The following RAB4A variants were observed in gnomAD, a reference collection of about 807,000 sequenced individuals.
RAB4A encodes the protein RAB4A, member RAS oncogene family.
In RAB4A, 20 loss-of-function variants were observed where a neutral mutation model predicts 34.5. The observed-to-expected ratio is 0.58, with a 90% CI of 0.41 to 0.84. RAB4A has a LOEUF of 0.84. RAB4A is among the 40% of genes least tolerant of loss of function. The pLI is 0.00. For missense variants in RAB4A, 228 were observed against 274.5 expected, an observed-to-expected ratio of 0.83 and a Z score of 1.20; for synonymous variants, 102 against 100.0, an observed-to-expected ratio of 1.02 and a Z score of -0.12.
chr1:229,305,307 T>C lies in RAB4A; in HGVS notation c.*1514T>C. On this transcript the variant is annotated 3_prime_UTR_variant, in exon 8 of 8. Coordinates refer to ENST00000366690, the MANE Select transcript of RAB4A (RefSeq NM_004578.4). ...TTCAATGTCTCATTTATGATAGATT[T>C]GCAAGCTGCTCATTTTTGAACAGCT... is the stretch of plus-strand genomic sequence containing the variant. 6.3e-7 allele frequency: 1 copy of C among 1,581,830 alleles called. No individual in the cohort carries two copies. The highest frequency in any genetic ancestry group is 8.6e-7 in the Non-Finnish European group (1 of 1,167,568).
At chr1:229,299,647 A>G (rs1193682641) in intron 6 of RAB4A, among the ~76,000 whole-genome samples, 2 of 152,218 alleles carry the variant, frequency 1.3e-5, no homozygotes, top group African/African-American at 4.8e-5. Flanking sequence ...TGTAGTTGTC[A>G]TTTACTAAAG....
At chr1:229,292,940 G>A (rs920747728) in intron 3 of RAB4A, among the ~76,000 whole-genome samples, 6 of 152,030 alleles carry the variant, frequency 3.9e-5, no homozygotes, top group African/African-American at 1.2e-4. Context: ...TGCCACCCCC[G>A]CTTCAGACAC....
At chr1:229,297,848 C>T (rs1035861916) in intron 5 of RAB4A, among the ~76,000 whole-genome samples, 2 of 152,076 alleles carry the variant, frequency 1.3e-5, no homozygotes, top group Non-Finnish European at 2.9e-5. Context: ...ATGATAAAAG[C>T]AAATGTAGTA....
intron 3 of RAB4A, among the ~76,000 whole-genome samples, chr1:229,291,125 T>TGGAA (rs1657058321): frequency 6.6e-6 from 1 of 152,136 alleles, no homozygotes; most frequent in African/African-American, 2.4e-5. Flanking sequence ...CTAAAAGAAA[T>TGGAA]GGAAGCATTG....
At chr1:229,282,888 T>A (rs1317451901) in intron 1 of RAB4A, among the ~76,000 whole-genome samples, 1 of 152,266 alleles carries the variant, frequency 6.6e-6, no homozygotes, top group African/African-American at 2.4e-5. Context: ...ATATGATGAC[T>A]GCTTTAAAAT....
At chr1:229,276,725 G>A (rs1392759265) in intron 1 of RAB4A, among the ~76,000 whole-genome samples, 2 of 151,304 alleles carry the variant, frequency 1.3e-5, no homozygotes, top group African/African-American at 2.5e-5. Flanking sequence ...TTAAGTTACT[G>A]TTTACCCTGA....
intron 2 of RAB4A, among the ~76,000 whole-genome samples, 154 bp downstream of exon 2, chr1:229,286,720 A>AT (rs760498133): frequency 5.9e-5 from 9 of 152,182 alleles, no homozygotes; most frequent in Non-Finnish European, 8.8e-5. Flanking sequence ...GGGTGATGTG[A>AT]TTTTTTATTA....
In RAB4A at chr1:229,295,882, G is replaced by A. The variant is rs777649734; in HGVS notation, c.262G>A (p.Gly88Arg). ...GAGAAGTTATTACCGAGGCGCGGCC[G>A]GGGCTCTCCTCGTCTATGATATCAC... ...VTRSYYRGAA[G>R]ALLVYDITSR... Residue 88 changes from glycine (G) to arginine (R), a missense_variant, in exon 4 of 8, where the codon GGG (glycine) becomes AGG (arginine). Coordinates refer to ENST00000366690, the MANE Select transcript of RAB4A (RefSeq NM_004578.4). 3.1e-6 allele frequency: 5 copies of A among 1,614,024 alleles called. No individual in the cohort carries two copies. Among genetic ancestry groups the A allele is most frequent in the South Asian group, 1.1e-5 (1 of 91,042 alleles).
chr1:229,296,238 G>T (rs1481543015), intron 4 of RAB4A, among the ~76,000 whole-genome samples: 1 of 152,228 alleles, frequency 6.6e-6, no homozygotes, highest in Non-Finnish European at 1.5e-5. Context: ...GTTATTAGAA[G>T]TGAGTTGAGA....
intron 4 of RAB4A, among the ~76,000 whole-genome samples, chr1:229,296,269 T>A (rs1157300955): frequency 6.6e-6 from 1 of 152,204 alleles, no homozygotes. Context: ...ACACAGACTC[T>A]GGGCTGAGAT....
intron 6 of RAB4A, 26 bp downstream of exon 6, chr1:229,299,098 T>C (rs1368798684): frequency 6.7e-7 from 1 of 1,503,660 alleles, no homozygotes; most frequent in Non-Finnish European, 9.1e-7. Flanking sequence ...TTAAGCAACT[T>C]TTCTTCTGCA....
At chr1:229,280,871 T>G (rs558589748) in intron 1 of RAB4A, among the ~76,000 whole-genome samples, 84 of 152,366 alleles carry the variant, frequency 5.5e-4, no homozygotes, top group African/African-American at 1.9e-3. Context: ...ATAAATGGAA[T>G]CTTGCAGTTG....
intron 1 of RAB4A, among the ~76,000 whole-genome samples, chr1:229,283,031 TTA>T (rs2102839536): frequency 6.6e-6 from 1 of 152,366 alleles, no homozygotes; most frequent in Admixed American, 6.5e-5. Context: ...TATTTTTATA[TTA>T]TGTTATAGGA....
chr1:229,284,969 T>C (rs1330828407), intron 1 of RAB4A, among the ~76,000 whole-genome samples: 1 of 152,130 alleles, frequency 6.6e-6, no homozygotes, highest in Non-Finnish European at 1.5e-5. Context: ...ATTCACTAAT[T>C]CTCTCCTCAG....
intron 6 of RAB4A, among the ~76,000 whole-genome samples, chr1:229,301,400 G>A (rs1034284014): frequency 2.6e-5 from 4 of 151,956 alleles, no homozygotes; most frequent in Non-Finnish European, 5.9e-5. Flanking sequence ...AACAGAAGTG[G>A]ACATGTCATC....
intron 1 of RAB4A, among the ~76,000 whole-genome samples, chr1:229,273,086 C>A (rs1209575250): frequency 6.6e-6 from 1 of 152,170 alleles, no homozygotes; most frequent in East Asian, 1.9e-4. Context: ...GTTTCTTTAA[C>A]CTGAGTAAGG....
At chr1:229,299,308 G>A (rs1657323153) in intron 6 of RAB4A, among the ~76,000 whole-genome samples, 1 of 152,214 alleles carries the variant, frequency 6.6e-6, no homozygotes. Context: ...CAGCTCAGCT[G>A]TGGAAAGGTA....
At chr1:229,284,810 C>T (rs1175470707) in intron 1 of RAB4A, among the ~76,000 whole-genome samples, 1 of 151,624 alleles carries the variant, frequency 6.6e-6, no homozygotes, top group African/African-American at 2.4e-5. Context: ...GGGCTCTCTA[C>T]CCTCATTCTC....
chr1:229,298,952 T>C (rs751453158), intron 5 of RAB4A, 25 bp from the exon 6 acceptor site: 1 of 1,544,700 alleles, frequency 6.5e-7, no homozygotes, highest in Non-Finnish European at 8.9e-7. Flanking sequence ...AAACATGACT[T>C]TATTTTGTTT....
Sources: allele counts gnomAD v4.1 joint callset (sites outside exome capture counted in the v4.1 genomes callset), GRCh38; gene constraint gnomAD v4.1.1; transcripts MANE v1.5; gene names NCBI Gene and HGNC (gene_info 2026-07-23, HGNC 2026-07-21).